Variants in GPLD1 observed in about 807,000 individuals in gnomAD.
GPLD1 encodes phosphatidylinositol-glycan-specific phospholipase D.
GPLD1 carries 84 observed loss-of-function variants against 112.6 expected under a neutral mutation model. That is an observed-to-expected ratio of 0.75 (90% CI 0.63 to 0.89). The LOEUF (loss-of-function observed/expected upper bound fraction) is 0.89, where lower values mean the gene tolerates loss of function less well. Among genes scored for constraint, GPLD1 ranks in the 40% least tolerant of loss-of-function variants. GPLD1 has a pLI of 0.00. For missense variants in GPLD1, 1,044 were observed against 1,051.5 expected (o/e 0.99, Z 0.10); for synonymous variants, 386 against 403.8 (o/e 0.96, Z 0.53).
intron 1 of GPLD1, 80 bp downstream of exon 1, chr6:24,489,335 G>A: frequency 1.9e-6 from 2 of 1,059,200 alleles, no homozygotes; most frequent in Admixed American, 1.9e-5. Context: ...CAATCCACGA[G>A]CGGGATTTTC....
intron 2 of GPLD1, among the ~76,000 whole-genome samples, chr6:24,483,830 G>C (rs949755698): frequency 2.6e-5 from 4 of 151,588 alleles, no homozygotes; most frequent in Non-Finnish European, 5.9e-5. Flanking sequence ...TGCAGCCTCT[G>C]CTTCCGGGGT....
At chr6:24,485,811 G>A (rs376301592) in intron 2 of GPLD1, among the ~76,000 whole-genome samples, 11 of 151,584 alleles carry the variant, frequency 7.3e-5, no homozygotes, top group Non-Finnish European at 1.5e-4. Flanking sequence ...CTGGGATTAC[G>A]GGCATGCACC....
intron 20 of GPLD1, among the ~76,000 whole-genome samples, chr6:24,438,798 T>TA (rs1349534236): frequency 3.3e-5 from 5 of 151,480 alleles, no homozygotes; most frequent in Non-Finnish European, 5.9e-5. Flanking sequence ...TTTCTTTTTT[T>TA]ATTATTGAGA....
At chr6:24,442,405 G>A (rs1434088643) in intron 20 of GPLD1, among the ~76,000 whole-genome samples, 1 of 142,340 alleles carries the variant, frequency 7.0e-6, no homozygotes, top group African/African-American at 2.6e-5. Flanking sequence ...AGAGGTGCAT[G>A]CCACCACATC....
intron 20 of GPLD1, among the ~76,000 whole-genome samples, chr6:24,439,464 G>T (rs752310616): frequency 6.6e-6 from 1 of 152,192 alleles, no homozygotes; most frequent in East Asian, 1.9e-4. Context: ...AGGAAGAATT[G>T]TAATTAATCA....
At chr6:24,457,157 C>T (rs2127345849) in intron 12 of GPLD1, among the ~76,000 whole-genome samples, 1 of 152,314 alleles carries the variant, frequency 6.6e-6, no homozygotes, top group Non-Finnish European at 1.5e-5. Flanking sequence ...AGGCGTAAGC[C>T]ACCATGCCCA....
chr6:24,463,288 C>A (rs1763495503), intron 10 of GPLD1, among the ~76,000 whole-genome samples: 1 of 152,132 alleles, frequency 6.6e-6, no homozygotes, highest in Non-Finnish European at 1.5e-5. Flanking sequence ...AAACTCTTCC[C>A]AATAGAGGCT....
chr6:24,487,940 A>AGT (rs1690722314), intron 1 of GPLD1, among the ~76,000 whole-genome samples: 1 of 152,170 alleles, frequency 6.6e-6, no homozygotes, highest in African/African-American at 2.4e-5. Context: ...GGTGACTTCT[A>AGT]GTGTCCTTTC....
chr6:24,459,905 C>A (rs1277608908), intron 12 of GPLD1, among the ~76,000 whole-genome samples: 1 of 152,096 alleles, frequency 6.6e-6, no homozygotes, highest in Non-Finnish European at 1.5e-5. Context: ...CATATGGATG[C>A]CAAGAGTATT....
In GPLD1 at chr6:24,427,672, C is replaced by A. The variant is rs148377283; in HGVS notation, c.*1360G>T. Among the ~76,000 whole-genome samples, 69 of 151,816 alleles carry A rather than the reference C, an allele frequency of 4.5e-4. No homozygotes were observed. Among genetic ancestry groups the A allele is most frequent in the African/African-American group, 1.6e-3 (65 of 41,422 alleles). ...ACCAGCCTGGCCAACATGGTGAAAC[C>A]CTGTCTCTACTAAAAATACAAAAAT... On this transcript the variant is annotated 3_prime_UTR_variant, in exon 25 of 25. Coordinates refer to ENST00000230036, the MANE Select transcript of GPLD1 (RefSeq NM_001503.4).
chr6:24,466,029 C>T (rs548231011), intron 10 of GPLD1, among the ~76,000 whole-genome samples: 1 of 152,260 alleles, frequency 6.6e-6, no homozygotes, highest in African/African-American at 2.4e-5. Flanking sequence ...CACTCCAGCC[C>T]CCAGCATGGG....
rs759127387 is a variant in GPLD1 at position 24,466,641 on chromosome 6, CAG to C, written c.821+37_821+38del. On this transcript the variant is annotated intron_variant, in intron 10 of 24. Coordinates refer to ENST00000230036, the MANE Select transcript of GPLD1 (RefSeq NM_001503.4). ...TATGTTGGGGGATGGGGTAAAAAGG[CAG>C]AGAGTGATTGGTAATAGAAATGCAA... 15 of 1,564,570 alleles carry C rather than the reference CAG, an allele frequency of 9.6e-6. No individual in the cohort carries two copies. The African/African-American group carries it at 2.0e-4, about 21-fold the overall frequency.
intron 20 of GPLD1, among the ~76,000 whole-genome samples, chr6:24,438,191 C>A (rs560971376): frequency 2.0e-5 from 3 of 152,116 alleles, no homozygotes; most frequent in African/African-American, 7.3e-5. Flanking sequence ...ACAAGAAATG[C>A]GGTCACGTCT....
At chr6:24,487,710 C>A (rs1440290769) in intron 1 of GPLD1, among the ~76,000 whole-genome samples, 1 of 152,214 alleles carries the variant, frequency 6.6e-6, no homozygotes. Context: ...AAGTGAATTG[C>A]TCAGAATCAC....
chr6:24,439,137 C>A (rs1439245634), intron 20 of GPLD1, among the ~76,000 whole-genome samples: 1 of 152,164 alleles, frequency 6.6e-6, no homozygotes, highest in East Asian at 1.9e-4. Flanking sequence ...CTGGAGCGCC[C>A]AGGAATCCAG....
chr6:24,429,227 A>G (rs1424020277), intron 24 of GPLD1, 109 bp from the exon 25 acceptor site: 2 of 595,732 alleles, frequency 3.4e-6, no homozygotes, highest in Non-Finnish European at 5.8e-6. Flanking sequence ...TGAATAAGAC[A>G]CTGGCCAGAT....
At chr6:24,460,153 C>T (rs1763387882) in intron 12 of GPLD1, 126 bp downstream of exon 12, 5 of 1,111,248 alleles carry the variant, frequency 4.5e-6, no homozygotes, top group Admixed American at 3.9e-5. Flanking sequence ...TCAACTCAGC[C>T]TCCCAGCCAC....
At position 24,456,614 on chromosome 6, in the gene GPLD1, C is replaced by A. The variant is rs760188855; in HGVS notation, c.1032G>T (p.Lys344Asn). 1 of 1,604,012 alleles carries A rather than the reference C, an allele frequency of 6.2e-7. No individual in the cohort carries two copies. The part of the protein sequence containing the change: ...WTPDSMSFIY[K>N]ALERNIRTMF... Reference sequence around the variant, plus strand: ...TTGTCCTTATGTTCCTTTCCAAAGCCTTGTAGATAAAGGACATGGAATCCT... The same window carrying A: ...TTGTCCTTATGTTCCTTTCCAAAGCATTGTAGATAAAGGACATGGAATCCT... The change falls in exon 13 of 25, where the codon AAG becomes AAT. Residue 344 changes from lysine to asparagine, a missense_variant. Lys to Asn is a moderately conservative substitution (Grantham distance 94). Transcript: ENST00000230036.
In GPLD1 at chr6:24,460,739, ATTT is replaced by A. The variant is rs535822410; in HGVS notation, c.888-343_888-341del. ...GGGAAACTGCTTTGCAAGCATACTG[ATTT>A]TTTTTTTTTTTTTTTGAGACGGAGT... On this transcript the variant is annotated intron_variant, in intron 11 of 24. Transcript: ENST00000230036. Among the ~76,000 whole-genome samples the A allele has an allele frequency of 4.5e-3, 623 of 139,518 alleles. 6 individuals carry two copies. The highest frequency in any genetic ancestry group is 6.8e-3 in the Admixed American group (95 of 13,886). 91.5% of individuals were successfully genotyped at this position (139,518 alleles called of 152,430 possible). A position where few individuals can be genotyped will look rare whatever the true frequency, so the allele number is the denominator to read the frequency against.
Sources: gnomAD v4.1 joint callset for allele counts (sites outside exome capture counted in the v4.1 genomes callset) on GRCh38, gnomAD v4.1.1 for gene constraint, MANE v1.5 for transcripts, NCBI Gene and HGNC (gene_info 2026-07-23, HGNC 2026-07-21) for gene names.